Variants in KYNU observed in about 807,000 individuals in gnomAD.
KYNU encodes the protein kynureninase, also known as L-kynurenine hydrolase.
KYNU carries 54 observed loss-of-function variants against 59.2 expected under a neutral mutation model. The ratio of observed to expected loss-of-function variants is 0.91; its 90% CI spans 0.73 to 1.14. The LOEUF is 1.14. Ranked by LOEUF, KYNU falls within the 50% of genes most tolerant of loss-of-function variation. KYNU has a pLI of 0.00. For missense variants in KYNU, 567 were observed against 554.4 expected, an observed-to-expected ratio of 1.02 and a Z score of -0.23; for synonymous variants, 177 against 192.0, an observed-to-expected ratio of 0.92 and a Z score of 0.65.
chr2:142,972,813 TAGAGAGAG>T (rs66473877), intron 8 of KYNU, among the ~76,000 whole-genome samples: 10 of 124,202 alleles, frequency 8.1e-5, no homozygotes, highest in Non-Finnish European at 1.7e-4. Flanking sequence ...TATATATATA[TAGAGAGAG>T]AGAGAGAGAG....
intron 10 of KYNU, among the ~76,000 whole-genome samples, chr2:143,013,298 C>CTCTGTGTGTGTGTGTGTG (rs72349700): frequency 9.0e-4 from 135 of 149,568 alleles, no homozygotes; most frequent in African/African-American, 3.2e-3. Flanking sequence ...GTCTCTTTCT[C>CTCTGTGTGTGTGTGTGTG]TGTGTGTGTG....
intron 12 of KYNU, among the ~76,000 whole-genome samples, chr2:143,039,561 A>G (rs1686976957): frequency 6.6e-6 from 1 of 152,062 alleles, no homozygotes; most frequent in Admixed American, 6.6e-5. Context: ...TTGGGCTGCT[A>G]TTTCTCATGG....
At chr2:142,883,287 G>C (rs951181981) in intron 1 of KYNU, among the ~76,000 whole-genome samples, 2 of 144,878 alleles carry the variant, frequency 1.4e-5, no homozygotes, top group African/African-American at 2.5e-5. Context: ...TCCACCCCCC[G>C]GGGTTCACGC....
chr2:142,911,535 C>A (rs184291740), intron 2 of KYNU, among the ~76,000 whole-genome samples: 47 of 151,970 alleles, frequency 3.1e-4, no homozygotes, highest in Admixed American at 2.8e-3. Flanking sequence ...TATTTAGATT[C>A]CTTTTCTTTC....
At chr2:142,888,196 A>G (rs1368293256) in intron 2 of KYNU, among the ~76,000 whole-genome samples, 1 of 152,186 alleles carries the variant, frequency 6.6e-6, no homozygotes. Flanking sequence ...GGTGGCTCAC[A>G]TCTGTAATCC....
chr2:143,048,460 CTT>C lies in KYNU; in HGVS notation c.*6290_*6291del, dbSNP rs2104933372. On this transcript the variant is annotated 3_prime_UTR_variant, in exon 14 of 14. Transcript: ENST00000264170. Reference sequence around the variant, plus strand: ...TTTTTAGTCTAGCTTCCTCCCTCCTCTTTCTCTCTCTCTCTCTCTGTCTCTCT... The same window carrying C: ...TTTTTAGTCTAGCTTCCTCCCTCCTCTCTCTCTCTCTCTCTCTGTCTCTCT... 6.6e-6 allele frequency: 1 copy of C among 152,196 alleles called. No individual in the cohort carries two copies. The highest frequency in any genetic ancestry group is 6.5e-5 in the Admixed American group (1 of 15,274). The allele number at this position is 152,196 out of a possible 1,614,324, so 9.4% of individuals were successfully genotyped here.
chr2:143,001,043 G>T lies in KYNU; in HGVS notation c.902+15022G>T, dbSNP rs528007736. The stretch of plus-strand genomic sequence containing the variant: ...TATGTCAGCACTTTGTCTTCCTTAA[G>T]TACTGACTATGAAAATATCAGACAC... On this transcript the variant is annotated intron_variant, in intron 10 of 13. Coordinates refer to ENST00000264170, the MANE Select transcript of KYNU (RefSeq NM_003937.3). Among the ~76,000 whole-genome samples, 8 of 152,188 alleles carry T rather than the reference G, an allele frequency of 5.3e-5. No individual in the cohort carries two copies. The South Asian group carries it at 1.7e-3, about 32-fold the overall frequency.
At chr2:142,988,775 T>C in intron 10 of KYNU, 1 of 1,032,784 alleles carries the variant, frequency 9.7e-7, no homozygotes, top group Non-Finnish European at 1.5e-6. Context: ...CTGATCTCAG[T>C]GCTGTCAACT....
chr2:142,965,367 A>G (rs1424911489), intron 8 of KYNU, among the ~76,000 whole-genome samples: 1 of 152,168 alleles, frequency 6.6e-6, no homozygotes, highest in Non-Finnish European at 1.5e-5. Context: ...TCAAAGATGA[A>G]TGTTTTCAGC....
intron 10 of KYNU, chr2:142,989,667 T>G (rs1045155462): frequency 3.1e-5 from 7 of 225,048 alleles, no homozygotes; most frequent in African/African-American, 1.6e-4. Flanking sequence ...AGTTTAAGCC[T>G]TCAATAAAGA....
intron 2 of KYNU, among the ~76,000 whole-genome samples, chr2:142,909,587 G>C (rs1192009263): frequency 6.6e-6 from 1 of 152,136 alleles, no homozygotes; most frequent in Non-Finnish European, 1.5e-5. Context: ...ATTCATTTAA[G>C]ATAATGGCCT....
At chr2:142,955,045 T>C (rs1558942092) in intron 5 of KYNU, among the ~76,000 whole-genome samples, 174 bp downstream of exon 5, 2 of 152,008 alleles carry the variant, frequency 1.3e-5, no homozygotes, top group African/African-American at 4.8e-5. Flanking sequence ...TTCCTAATCA[T>C]GGAAGAGTTG....
rs1015734326 is a variant in KYNU, at chr2:143,044,376, A to G, written c.*2204A>G. Reference sequence around the variant, plus strand: ...TAATGGGATTGCTGGGTTAAATGGTATTTCTGGTTCTAGATCCTCGAGGAA... The same window carrying G: ...TAATGGGATTGCTGGGTTAAATGGTGTTTCTGGTTCTAGATCCTCGAGGAA... On this transcript the variant is annotated 3_prime_UTR_variant, in exon 14 of 14. Coordinates refer to ENST00000264170, the MANE Select transcript of KYNU (RefSeq NM_003937.3). 7 of 152,280 alleles carry G rather than the reference A, an allele frequency of 4.6e-5. No individual in the cohort carries two copies. The highest frequency in any genetic ancestry group is 1.4e-4 in the African/African-American group (6 of 41,566). 9.4% of individuals were successfully genotyped at this position (152,280 alleles called of 1,614,324 possible). A position where few individuals can be genotyped will look rare whatever the true frequency, so the allele number is the denominator to read the frequency against.
intron 2 of KYNU, among the ~76,000 whole-genome samples, chr2:142,897,690 A>G (rs1200550122): frequency 6.6e-6 from 1 of 152,132 alleles, no homozygotes; most frequent in East Asian, 1.9e-4. Flanking sequence ...CTTTTTCCTT[A>G]AATTTTTGGT....
intron 2 of KYNU, among the ~76,000 whole-genome samples, chr2:142,911,537 TTTTC>T (rs1682480122): frequency 6.6e-6 from 1 of 152,138 alleles, no homozygotes; most frequent in Non-Finnish European, 1.5e-5. Flanking sequence ...TTTAGATTCC[TTTTC>T]TTTCTTTCTC....
At chr2:142,921,620 C>G (rs1315283775) in intron 3 of KYNU, among the ~76,000 whole-genome samples, 3 of 152,044 alleles carry the variant, frequency 2.0e-5, no homozygotes, top group African/African-American at 7.2e-5. Context: ...CCAACCTGGG[C>G]AACATTGTGA....
intron 2 of KYNU, among the ~76,000 whole-genome samples, chr2:142,917,604 CATG>C (rs1213421858): frequency 6.6e-6 from 1 of 152,148 alleles, no homozygotes; most frequent in African/African-American, 2.4e-5. Context: ...GCCTGGCTGA[CATG>C]ATAACCTTGA....
intron 4 of KYNU, among the ~76,000 whole-genome samples, chr2:142,942,359 G>T (rs990499210): frequency 2.6e-5 from 4 of 152,066 alleles, no homozygotes; most frequent in African/African-American, 9.7e-5. Context: ...ATTCTAATTT[G>T]TTTCTCATCT....
At chr2:142,954,032 C>A (rs902641210) in intron 4 of KYNU, 2 of 151,970 alleles carry the variant, frequency 1.3e-5, no homozygotes, top group African/African-American at 4.8e-5. Flanking sequence ...GTCTAATTGC[C>A]TTGAAGAAAC....
Sources: allele counts gnomAD v4.1 joint callset (sites outside exome capture counted in the v4.1 genomes callset), GRCh38; gene constraint gnomAD v4.1.1; transcripts MANE v1.5; gene names NCBI Gene and HGNC (gene_info 2026-07-23, HGNC 2026-07-21).